CHL1: variants seen among roughly 807,000 people sequenced by gnomAD.
CHL1 encodes neural cell adhesion molecule L1-like protein.
A neutral mutation model predicts 141.9 loss-of-function variants in CHL1; 96 were observed. The ratio of observed to expected loss-of-function variants is 0.68; its 90% CI spans 0.57 to 0.80. The LOEUF is 0.80. Among genes scored for constraint, CHL1 ranks in the 30% least tolerant of loss-of-function variants. The pLI is 0.00. For synonymous variants in CHL1, 613 were observed against 502.2 expected (o/e 1.22, Z -2.95); for missense variants, 1,820 against 1,457.2 (o/e 1.25, Z -4.05).
chr3:354,591 C>A, intron 10 of CHL1, 49 bp from the exon 11 acceptor site: 1 of 1,562,712 alleles, frequency 6.4e-7, no homozygotes, highest in East Asian at 2.3e-5. Flanking sequence ...CATTTTTGGA[C>A]TTTTTGACAT....
intron 27 of CHL1, among the ~76,000 whole-genome samples, chr3:404,936 A>T (rs1290909288): frequency 6.6e-6 from 1 of 152,124 alleles, no homozygotes; most frequent in Non-Finnish European, 1.5e-5. Flanking sequence ...AGCATTTTCA[A>T]TGTCTGGTGA....
In CHL1 at chr3:402,339, C is replaced by T. The variant is rs73814766; in HGVS notation, c.3458+641C>T. ...GGTGTGTCGGGCAAGGGAGGAATGGCAAGAAGTCTACTCTGAGCTAGGTAG... is the reference window on the plus strand; with the variant it reads ...GGTGTGTCGGGCAAGGGAGGAATGGTAAGAAGTCTACTCTGAGCTAGGTAG... On this transcript the variant is annotated intron_variant, in intron 27 of 27. Transcript: ENST00000256509. 4.3e-3 allele frequency among the ~76,000 whole-genome samples: 654 copies of T among 152,280 alleles called. 8 individuals carry two copies. Among genetic ancestry groups the T allele is most frequent in the African/African-American group, 0.015 (615 of 41,560 alleles).
intron 10 of CHL1, among the ~76,000 whole-genome samples, chr3:353,043 C>T (rs1703396366): frequency 6.6e-6 from 1 of 152,100 alleles, no homozygotes; most frequent in Non-Finnish European, 1.5e-5. Flanking sequence ...GCAAGTTAGG[C>T]AACTTCTCCA....
intron 15 of CHL1, among the ~76,000 whole-genome samples, chr3:372,556 C>A (rs1049125482): frequency 2.0e-5 from 3 of 152,138 alleles, no homozygotes; most frequent in African/African-American, 7.2e-5. Context: ...TTAGAACATT[C>A]TCCTTTAGGT....
intron 5 of CHL1, among the ~76,000 whole-genome samples, chr3:334,302 G>A (rs1237401856): frequency 6.6e-6 from 1 of 152,108 alleles, no homozygotes; most frequent in African/African-American, 2.4e-5. Context: ...TTCCTGAATA[G>A]CTGGGATTAT....
chr3:304,436 C>T lies in CHL1; in HGVS notation c.-94-15247C>T, dbSNP rs150467679. On this transcript the variant is annotated intron_variant, in intron 2 of 27. Transcript: ENST00000256509. The stretch of plus-strand genomic sequence containing the variant: ...TTTCAGAACTTGTTATTGTTTTATT[C>T]GGGGATTTGACTTCTTCCTGGCTTA... 8.3e-4 allele frequency among the ~76,000 whole-genome samples: 126 copies of T among 152,116 alleles called. 1 individual carries two copies. The South Asian group carries it at 0.018, about 21-fold the overall frequency.
chr3:294,477 G>A (rs924882179), intron 2 of CHL1, among the ~76,000 whole-genome samples: 3 of 152,160 alleles, frequency 2.0e-5, no homozygotes, highest in African/African-American at 4.8e-5. Flanking sequence ...CTCAGATTAC[G>A]TTGACTGTGA....
chr3:280,678 A>G (rs952739169), intron 2 of CHL1, among the ~76,000 whole-genome samples: 9 of 152,098 alleles, frequency 5.9e-5, no homozygotes, highest in Admixed American at 1.3e-4. Flanking sequence ...AGAAACTATC[A>G]CCTTTACTAC....
chr3:368,058 A>T (rs564034895), intron 15 of CHL1, among the ~76,000 whole-genome samples: 80 of 152,300 alleles, frequency 5.3e-4, no homozygotes, highest in Admixed American at 1.5e-3. Flanking sequence ...CAATAAACAT[A>T]TATGTGTATG....
intron 1 of CHL1, among the ~76,000 whole-genome samples, chr3:226,373 T>TA (rs1559298663): frequency 6.0e-4 from 34 of 56,888 alleles, no homozygotes; most frequent in African/African-American, 9.3e-4. Context: ...AATAGAATAT[T>TA]TTATATATAT....
chr3:328,180 A>G lies in CHL1; in HGVS notation c.211A>G (p.Lys71Glu). Residue 71 changes from lysine to glutamate, a missense_variant, in exon 5 of 28, where the codon AAG (lysine) becomes GAG (glutamate). Lys to Glu is a moderately conservative substitution (Grantham distance 56). Coordinates refer to ENST00000256509, the MANE Select transcript of CHL1 (RefSeq NM_006614.4). ...GNPEPTFSWT[K>E]DGNPFYFTDH... is the part of the protein sequence containing the mutation. ...TTTATGTTTTAGATTTTCGTGGACT[A>G]AGGATGGCAACCCTTTTTATTTCAC... is the stretch of plus-strand genomic sequence containing the variant. 1 of 1,606,418 alleles carries G rather than the reference A, an allele frequency of 6.2e-7. No homozygotes were observed. The highest frequency in any genetic ancestry group is 8.5e-7 in the Non-Finnish European group (1 of 1,176,092).
intron 8 of CHL1, 36 bp downstream of exon 8, chr3:343,067 T>A: frequency 6.6e-7 from 1 of 1,526,702 alleles, no homozygotes; most frequent in Non-Finnish European, 8.9e-7. Context: ...GGCATTTGTG[T>A]ATAGCTCATT....
chr3:254,898 T>G lies in CHL1; in HGVS notation c.-95+10206T>G, dbSNP rs751251244. ...CCAGTTAATACTATCACATTGACCA[T>G]TAAGTCTCAACACTTGAATTTGGGA... On this transcript the variant is annotated intron_variant, in intron 2 of 27. Transcript: ENST00000256509. Among the ~76,000 whole-genome samples, 3 of 152,150 alleles carry G rather than the reference T, an allele frequency of 2.0e-5. No individual in the cohort carries two copies. In the East Asian group the frequency reaches 5.8e-4, roughly 29 times the overall value.
intron 14 of CHL1, among the ~76,000 whole-genome samples, chr3:365,421 G>A (rs1470572144): frequency 6.6e-6 from 1 of 152,104 alleles, no homozygotes; most frequent in Non-Finnish European, 1.5e-5. Flanking sequence ...CTCCCTTCTA[G>A]GCTCTGGAGA....
At chr3:354,580 A>T in intron 10 of CHL1, 60 bp from the exon 11 acceptor site, 1 of 1,552,800 alleles carries the variant, frequency 6.4e-7, no homozygotes. Context: ...ACAGGCCTTA[A>T]CATTTTTGGA....
At chr3:372,540 A>G (rs537770564) in intron 15 of CHL1, among the ~76,000 whole-genome samples, 2 of 152,052 alleles carry the variant, frequency 1.3e-5, no homozygotes, top group African/African-American at 2.4e-5. Context: ...GCTTCCTTGC[A>G]TTGGGTTAGA....
At chr3:364,989 A>G (rs1206995162) in intron 14 of CHL1, among the ~76,000 whole-genome samples, 1 of 152,240 alleles carries the variant, frequency 6.6e-6, no homozygotes. Flanking sequence ...TAGGATGTCA[A>G]ATAATTCACT....
At chr3:388,742 T>C (rs1707978745) in intron 19 of CHL1, among the ~76,000 whole-genome samples, 1 of 152,098 alleles carries the variant, frequency 6.6e-6, no homozygotes, top group African/African-American at 2.4e-5. Flanking sequence ...TCTCCAAAAA[T>C]ATTTACATGA....
At chr3:265,600 G>T (rs1486494599) in intron 2 of CHL1, among the ~76,000 whole-genome samples, 1 of 152,108 alleles carries the variant, frequency 6.6e-6, no homozygotes. Flanking sequence ...AAAGAGAAGG[G>T]GTAGGACTGC....
Sources: allele counts gnomAD v4.1 joint callset (sites outside exome capture counted in the v4.1 genomes callset), GRCh38; gene constraint gnomAD v4.1.1; transcripts MANE v1.5; gene names NCBI Gene and HGNC (gene_info 2026-07-23, HGNC 2026-07-21).